The following ADAM12 variants were observed in gnomAD, a reference collection of about 807,000 sequenced individuals.
ADAM12 encodes the protein ADAM metallopeptidase domain 12, also known as disintegrin and metalloproteinase domain-containing protein 12.
Under a neutral mutation model 106.4 loss-of-function variants are expected in ADAM12, and 70 were observed. That is an observed-to-expected ratio of 0.66 (90% CI 0.54 to 0.80). ADAM12 has a LOEUF of 0.80. ADAM12 is among the 30% of genes least tolerant of loss of function. ADAM12 has a pLI of 0.00. For synonymous variants in ADAM12, 420 were observed against 433.5 expected (o/e 0.97, Z 0.39); for missense variants, 1,010 against 1,171.9 (o/e 0.86, Z 2.02).
intron 8 of ADAM12, among the ~76,000 whole-genome samples, chr10:126,102,211 G>T (rs1435636605): frequency 6.6e-6 from 1 of 152,100 alleles, no homozygotes; most frequent in African/African-American, 2.4e-5. Context: ...AGATGGCTTT[G>T]TACTCATGGT....
At chr10:126,232,188 TG>T (rs1398521541) in intron 3 of ADAM12, among the ~76,000 whole-genome samples, 1 of 152,106 alleles carries the variant, frequency 6.6e-6, no homozygotes, top group African/African-American at 2.4e-5. Context: ...GGGGATGATC[TG>T]GGTGGGCCCA....
rs188510733 is a variant in ADAM12 at position 126,023,644 on chromosome 10, C to T, written c.2530-3819G>A. Reference sequence around the variant, plus strand: ...TCTAGAAGTAAATACATACTATAATCTATCCCCAGGATACTACAAGGAGCA... The same window carrying T: ...TCTAGAAGTAAATACATACTATAATTTATCCCCAGGATACTACAAGGAGCA... On this transcript the variant is annotated intron_variant, in intron 21 of 22. Transcript: ENST00000448723. 2.9e-3 allele frequency among the ~76,000 whole-genome samples: 439 copies of T among 152,330 alleles called. 2 individuals are homozygous for T. The highest frequency in any genetic ancestry group is 2.7e-3 in the Non-Finnish European group (186 of 68,034).
intron 2 of ADAM12, among the ~76,000 whole-genome samples, chr10:126,317,795 GT>G (rs1309169803): frequency 2.0e-5 from 3 of 152,004 alleles, no homozygotes; most frequent in Admixed American, 6.6e-5. Context: ...GTTTTGCTCT[GT>G]CACCCATACT....
chr10:126,100,953 T>G (rs1265310240), intron 9 of ADAM12, 119 bp downstream of exon 9: 1 of 1,097,908 alleles, frequency 9.1e-7, no homozygotes, highest in Non-Finnish European at 1.3e-6. Context: ...AGAAGCCCCC[T>G]TGCACAAGGC....
At chr10:126,149,451 TTGAG>T (rs1300999407) in intron 4 of ADAM12, among the ~76,000 whole-genome samples, 2 of 152,192 alleles carry the variant, frequency 1.3e-5, no homozygotes, top group Non-Finnish European at 2.9e-5. Context: ...ATAGTAAATA[TTGAG>T]TGTCAACTTG....
chr10:126,190,330 A>G (rs1023225175), intron 3 of ADAM12, among the ~76,000 whole-genome samples: 1 of 151,656 alleles, frequency 6.6e-6, no homozygotes, highest in South Asian at 2.1e-4. Context: ...GCTCCTGAGT[A>G]GTTGGGATTA....
At chr10:126,353,559 C>T (rs930110008) in intron 1 of ADAM12, among the ~76,000 whole-genome samples, 1 of 152,190 alleles carries the variant, frequency 6.6e-6, no homozygotes, top group Non-Finnish European at 1.5e-5. Context: ...GCTGTGTTTA[C>T]ATTAGTTTAT....
At chr10:126,108,131 G>C (rs1955807811) in intron 8 of ADAM12, among the ~76,000 whole-genome samples, 1 of 152,198 alleles carries the variant, frequency 6.6e-6, no homozygotes, top group African/African-American at 2.4e-5. Context: ...TTCCAGGACA[G>C]TGAAGCCTAT....
At chr10:126,342,460 C>T (rs955967712) in intron 1 of ADAM12, among the ~76,000 whole-genome samples, 8 of 152,158 alleles carry the variant, frequency 5.3e-5, no homozygotes, top group African/African-American at 1.9e-4. Context: ...TAGATTGACC[C>T]AGGAACATTT....
At chr10:126,301,355 C>G (rs1271611504) in intron 2 of ADAM12, among the ~76,000 whole-genome samples, 2 of 152,136 alleles carry the variant, frequency 1.3e-5, no homozygotes, top group African/African-American at 4.8e-5. Flanking sequence ...CTTTTTAAGA[C>G]CACCTTTGAA....
intron 18 of ADAM12, chr10:126,042,141 T>C: frequency 1.9e-6 from 3 of 1,613,486 alleles, no homozygotes; most frequent in Non-Finnish European, 1.7e-6. Context: ...CTCAGATGAG[T>C]GTCAGTGAGG....
At chr10:126,115,376 G>A (rs1034347006) in intron 6 of ADAM12, among the ~76,000 whole-genome samples, 1 of 152,170 alleles carries the variant, frequency 6.6e-6, no homozygotes, top group Non-Finnish European at 1.5e-5. Context: ...GAGAGGGAAG[G>A]AGTCTGCTGT....
intron 8 of ADAM12, among the ~76,000 whole-genome samples, chr10:126,104,815 C>T (rs1000947220): frequency 3.9e-5 from 6 of 152,168 alleles, no homozygotes; most frequent in African/African-American, 1.4e-4. Context: ...TCTTTCTCCA[C>T]GCAGCAAGCA....
chr10:126,225,761 G>T (rs958299005), intron 3 of ADAM12, among the ~76,000 whole-genome samples: 1 of 152,140 alleles, frequency 6.6e-6, no homozygotes, highest in African/African-American at 2.4e-5. Flanking sequence ...CTGAACCATA[G>T]CTCACAGAAC....
intron 14 of ADAM12, among the ~76,000 whole-genome samples, chr10:126,051,607 G>T (rs1216863468): frequency 1.7e-5 from 1 of 59,984 alleles, no homozygotes; most frequent in African/African-American, 5.1e-5. Context: ...CCAGCCACCT[G>T]TCCATCCATC....
intron 4 of ADAM12, among the ~76,000 whole-genome samples, chr10:126,137,677 G>A (rs1239431832): frequency 1.3e-5 from 2 of 152,180 alleles, no homozygotes; most frequent in Admixed American, 6.5e-5. Context: ...CTTAAGCATG[G>A]TGTTCTCAAG....
intron 2 of ADAM12, among the ~76,000 whole-genome samples, chr10:126,279,642 G>A (rs191631830): frequency 1.4e-3 from 207 of 151,788 alleles, no homozygotes; most frequent in African/African-American, 3.4e-3. Context: ...CAGGAGAATC[G>A]CTTGAACCCG....
intron 2 of ADAM12, among the ~76,000 whole-genome samples, chr10:126,284,953 A>G (rs1343002477): frequency 6.6e-6 from 1 of 152,182 alleles, no homozygotes; most frequent in African/African-American, 2.4e-5. Context: ...TTCAGGGCTC[A>G]ATGGCAGGTT....
chr10:126,122,187 A>G (rs142666903), intron 5 of ADAM12, among the ~76,000 whole-genome samples: 1 of 152,210 alleles, frequency 6.6e-6, no homozygotes, highest in African/African-American at 2.4e-5. Flanking sequence ...ATTGTTACTT[A>G]GTCATGAAAA....
Sources: allele counts gnomAD v4.1 joint callset (sites outside exome capture counted in the v4.1 genomes callset), GRCh38; gene constraint gnomAD v4.1.1; transcripts MANE v1.5; gene names NCBI Gene and HGNC (gene_info 2026-07-23, HGNC 2026-07-21).